MAPK4: variants seen among roughly 807,000 people sequenced by gnomAD.
MAPK4 encodes mitogen-activated protein kinase 4.
MAPK4 carries 22 observed loss-of-function variants against 47.7 expected under a neutral mutation model. The ratio of observed to expected loss-of-function variants is 0.46; its 90% confidence interval spans 0.33 to 0.66. The LOEUF (loss-of-function observed/expected upper bound fraction) is 0.66. Ranked by LOEUF, MAPK4 falls within the 30% of genes least tolerant of loss-of-function variation. The pLI, the probability that MAPK4 is intolerant of heterozygous loss-of-function variation, is 0.02. For synonymous variants in MAPK4, 390 were observed against 365.7 expected, an observed-to-expected ratio of 1.07 and a Z score of -0.76; for missense variants, 736 against 831.7, an observed-to-expected ratio of 0.88 and a Z score of 1.42.
chr18:50,634,588 CTG>C (rs930708502), intron 1 of MAPK4, among the ~76,000 whole-genome samples: 5 of 152,156 alleles, frequency 3.3e-5, no homozygotes, highest in African/African-American at 1.2e-4. Flanking sequence ...TGGGGATCAA[CTG>C]TCATCCATTT....
intron 2 of MAPK4, among the ~76,000 whole-genome samples, chr18:50,689,697 G>T (rs1227571221): frequency 6.6e-6 from 1 of 152,196 alleles, no homozygotes; most frequent in Non-Finnish European, 1.5e-5. Flanking sequence ...ACCAGCCTCG[G>T]TTGGGCAACA....
chr18:50,615,727 G>A (rs747355232), intron 1 of MAPK4, among the ~76,000 whole-genome samples: 36 of 152,214 alleles, frequency 2.4e-4, no homozygotes, highest in African/African-American at 7.2e-4. Context: ...ATTTGGGAGG[G>A]ATAATGATAA....
intron 2 of MAPK4, among the ~76,000 whole-genome samples, chr18:50,709,287 T>C (rs563949040): frequency 6.6e-6 from 1 of 152,318 alleles, no homozygotes; most frequent in Non-Finnish European, 1.5e-5. Context: ...GGAAGTGCAG[T>C]GCCAGGGGCC....
At chr18:50,727,468 T>C (rs998937022) in intron 5 of MAPK4, among the ~76,000 whole-genome samples, 2 of 152,194 alleles carry the variant, frequency 1.3e-5, no homozygotes, top group Admixed American at 6.5e-5. Flanking sequence ...TTGTTGTCAA[T>C]TGTTGTTTTC....
intron 2 of MAPK4, among the ~76,000 whole-genome samples, chr18:50,684,597 C>T (rs763165736): frequency 1.3e-5 from 2 of 152,108 alleles, no homozygotes; most frequent in Middle Eastern, 3.4e-3. Context: ...TGAGCTCTGC[C>T]TTCGGGGGGT....
intron 2 of MAPK4, among the ~76,000 whole-genome samples, chr18:50,691,809 A>G (rs569013267): frequency 3.5e-4 from 53 of 152,308 alleles, no homozygotes; most frequent in African/African-American, 1.1e-3. Flanking sequence ...TCAAGAGAAT[A>G]AAAGTATCGG....
intron 2 of MAPK4, among the ~76,000 whole-genome samples, chr18:50,672,532 G>A (rs1460874427): frequency 6.6e-6 from 1 of 152,132 alleles, no homozygotes; most frequent in East Asian, 1.9e-4. Flanking sequence ...TCCCATGGCA[G>A]AAGAGGATCC....
At chr18:50,689,351 A>C (rs1331710551) in intron 2 of MAPK4, among the ~76,000 whole-genome samples, 1 of 142,620 alleles carries the variant, frequency 7.0e-6, no homozygotes, top group Non-Finnish European at 1.5e-5. Context: ...CAATGATCCG[A>C]GATTGCGCCA....
chr18:50,651,986 G>T (rs2043055017), intron 1 of MAPK4, among the ~76,000 whole-genome samples: 1 of 152,208 alleles, frequency 6.6e-6, no homozygotes, highest in Non-Finnish European at 1.5e-5. Flanking sequence ...TTCGCGATGG[G>T]TGCTGTTCAC....
rs1568054050 is a variant in MAPK4, at chr18:50,632,897, G to C, written c.-870-30192G>C. On this transcript the variant is annotated intron_variant, in intron 1 of 5. Transcript: ENST00000400384. The stretch of plus-strand genomic sequence containing the variant: ...GGCCTCTCAAAGTGCTGGGATTACA[G>C]GTGTGAGCAACTGCGCCTGGCCTGA... 4.6e-5 allele frequency among the ~76,000 whole-genome samples: 7 copies of C among 152,292 alleles called. No homozygotes were observed. In the South Asian group the frequency reaches 1.2e-3, roughly 27 times the overall value.
At chr18:50,640,865 A>G (rs1024304592) in intron 1 of MAPK4, among the ~76,000 whole-genome samples, 1 of 152,196 alleles carries the variant, frequency 6.6e-6, no homozygotes, top group Non-Finnish European at 1.5e-5. Context: ...CAGTCAGGGA[A>G]GGAGAGGAAG....
chr18:50,651,504 C>CA, intron 1 of MAPK4, among the ~76,000 whole-genome samples: 1 of 152,284 alleles, frequency 6.6e-6, no homozygotes, highest in South Asian at 2.1e-4. Flanking sequence ...AACAAGGAGC[C>CA]AAGTGCAAAA....
At chr18:50,703,071 G>T (rs1376166352) in intron 2 of MAPK4, among the ~76,000 whole-genome samples, 1 of 152,192 alleles carries the variant, frequency 6.6e-6, no homozygotes, top group African/African-American at 2.4e-5. Flanking sequence ...CCCAAAGTCA[G>T]GGTCAGACAG....
chr18:50,647,404 C>T (rs1010679975), intron 1 of MAPK4, among the ~76,000 whole-genome samples: 2 of 152,068 alleles, frequency 1.3e-5, no homozygotes, highest in African/African-American at 4.8e-5. Flanking sequence ...TGGTAAACAA[C>T]CCAGATTCAG....
intron 1 of MAPK4, among the ~76,000 whole-genome samples, chr18:50,656,701 C>T (rs924376095): frequency 2.0e-5 from 3 of 152,142 alleles, no homozygotes; most frequent in Non-Finnish European, 4.4e-5. Flanking sequence ...CTGCTTCCTG[C>T]TACGCTTATA....
intron 1 of MAPK4, among the ~76,000 whole-genome samples, chr18:50,579,280 A>G (rs1247809701): frequency 1.3e-5 from 2 of 152,114 alleles, no homozygotes; most frequent in Non-Finnish European, 2.9e-5. Flanking sequence ...CCTGTGCATC[A>G]TTTTGTCCTT....
At chr18:50,595,769 C>T (rs2042476487) in intron 1 of MAPK4, among the ~76,000 whole-genome samples, 1 of 152,138 alleles carries the variant, frequency 6.6e-6, no homozygotes, top group Admixed American at 6.5e-5. Flanking sequence ...GTTTTTTATT[C>T]TCATGATTTG....
At chr18:50,581,253 G>C (rs929390686) in intron 1 of MAPK4, among the ~76,000 whole-genome samples, 1 of 152,178 alleles carries the variant, frequency 6.6e-6, no homozygotes, top group African/African-American at 2.4e-5. Context: ...TAGCTGAGTG[G>C]TTCTAGTTCA....
intron 2 of MAPK4, chr18:50,704,678 A>G (rs754331487): frequency 2.3e-5 from 9 of 398,574 alleles, no homozygotes; most frequent in Non-Finnish European, 4.0e-5. Context: ...GCAGCTGTGA[A>G]GAGGCTGGAA....
Sources: allele counts gnomAD v4.1 joint callset (sites outside exome capture counted in the v4.1 genomes callset), GRCh38; gene constraint gnomAD v4.1.1; transcripts MANE v1.5; gene names NCBI Gene and HGNC (gene_info 2026-07-23, HGNC 2026-07-21).